Variants in SHANK2 observed in about 807,000 individuals in gnomAD.
SHANK2 encodes the protein SH3 and multiple ankyrin repeat domains protein 2.
A neutral mutation model predicts 133.7 loss-of-function variants in SHANK2; 43 were observed. That is an observed-to-expected ratio of 0.32 (90% confidence interval 0.25 to 0.41). The LOEUF (loss-of-function observed/expected upper bound fraction) is 0.41, where lower values mean the gene tolerates loss of function less well. Ranked by LOEUF, SHANK2 falls within the 10% of genes least tolerant of loss-of-function variation. The pLI, the probability that SHANK2 is intolerant of heterozygous loss-of-function variation, is 1.00. For synonymous variants in SHANK2, 1,017 were observed against 952.8 expected, an observed-to-expected ratio of 1.07 and a Z score of -1.24; for missense variants, 1,994 against 2,235.8, an observed-to-expected ratio of 0.89 and a Z score of 2.18.
At chr11:70,778,263 G>A (rs12283492) in intron 14 of SHANK2, among the ~76,000 whole-genome samples, 17,330 of 152,210 alleles carry the variant, frequency 0.11, 1,197 homozygotes, top group South Asian at 0.28. Flanking sequence ...ATGGGCCAGG[G>A]TACACCCTTG....
At chr11:70,718,698 C>CCCTTTTTTT (rs1565266686) in intron 14 of SHANK2, among the ~76,000 whole-genome samples, 1 of 80,930 alleles carries the variant, frequency 1.2e-5, no homozygotes, top group Non-Finnish European at 2.2e-5. Context: ...AGAGCTCATT[C>CCCTTTTTTT]TCTTTTTTTT....
intron 4 of SHANK2, among the ~76,000 whole-genome samples, chr11:71,113,973 A>G (rs1299590009): frequency 6.6e-6 from 1 of 152,142 alleles, no homozygotes; most frequent in Admixed American, 6.5e-5. Flanking sequence ...ACATTGTCGG[A>G]GTGGGCTTGG....
At position 70,869,359 on chromosome 11, in the gene SHANK2, A is replaced by G. The variant is rs541271816; in HGVS notation, c.1174+27142T>C. On this transcript the variant is annotated intron_variant, in intron 11 of 25. Coordinates refer to ENST00000601538, the MANE Select transcript of SHANK2 (RefSeq NM_012309.5). ...GCAGGTTTCAGAGGGAGGACAATGT[A>G]TCGGTCCACAGGCCACAGAATGCTT... 8.5e-5 allele frequency among the ~76,000 whole-genome samples: 13 copies of G among 152,346 alleles called. No homozygotes were observed. In the South Asian group the frequency reaches 2.5e-3, roughly 29 times the overall value.
intron 17 of SHANK2, among the ~76,000 whole-genome samples, chr11:70,516,478 G>A (rs527707689): frequency 6.6e-6 from 1 of 152,250 alleles, no homozygotes; most frequent in African/African-American, 2.4e-5. Context: ...AGTGGATCAC[G>A]GACTTAAATG....
intron 17 of SHANK2, among the ~76,000 whole-genome samples, chr11:70,521,195 A>G (rs1231815255): frequency 1.3e-5 from 2 of 152,216 alleles, no homozygotes; most frequent in Non-Finnish European, 2.9e-5. Context: ...CTGAAAATCT[A>G]GGTTCCTAAT....
intron 21 of SHANK2, among the ~76,000 whole-genome samples, chr11:70,497,240 T>A (rs1296579046): frequency 2.6e-5 from 4 of 152,196 alleles, no homozygotes; most frequent in African/African-American, 9.7e-5. Context: ...ATCTTGGAGA[T>A]CTTGTTTACC....
At chr11:70,896,356 G>A (rs1246792003) in intron 11 of SHANK2, 145 bp downstream of exon 11, 2 of 576,694 alleles carry the variant, frequency 3.5e-6, no homozygotes, top group Admixed American at 3.2e-5. Flanking sequence ...ACCAGAGACA[G>A]AAAATGGGCT....
intron 9 of SHANK2, among the ~76,000 whole-genome samples, chr11:71,062,181 C>G (rs1950996327): frequency 6.6e-6 from 1 of 152,078 alleles, no homozygotes; most frequent in South Asian, 2.1e-4. Context: ...GTCTCCATCT[C>G]CTGGGCTCAA....
intron 14 of SHANK2, among the ~76,000 whole-genome samples, chr11:70,767,534 C>T (rs959690265): frequency 3.3e-5 from 5 of 152,162 alleles, no homozygotes; most frequent in Admixed American, 3.3e-4. Flanking sequence ...TGAAAAGGAG[C>T]GACGTACCAC....
At chr11:70,598,236 C>T (rs927601138) in intron 17 of SHANK2, among the ~76,000 whole-genome samples, 9 of 152,018 alleles carry the variant, frequency 5.9e-5, no homozygotes, top group African/African-American at 1.4e-4. Flanking sequence ...GACCTCAGGG[C>T]CACACAAGTT....
intron 17 of SHANK2, among the ~76,000 whole-genome samples, chr11:70,527,210 AT>A (rs2059410214): frequency 6.6e-6 from 1 of 152,120 alleles, no homozygotes; most frequent in South Asian, 2.1e-4. Context: ...GCTCCTGAAC[AT>A]TCTGCCTGGG....
In SHANK2 at chr11:70,850,352, G is replaced by A. The variant is rs1590756358; in HGVS notation, c.1175-29670C>T. Among the ~76,000 whole-genome samples, 6 of 152,314 alleles carry A rather than the reference G, an allele frequency of 3.9e-5. No homozygotes were observed. In the South Asian group the frequency reaches 1.2e-3, roughly 32 times the overall value. On this transcript the variant is annotated intron_variant, in intron 11 of 25. Coordinates refer to ENST00000601538, the MANE Select transcript of SHANK2 (RefSeq NM_012309.5). The stretch of plus-strand genomic sequence containing the variant: ...CAGGTGTTATACCTCCTGCCCCCAA[G>A]GCCAGAGAAGCAGTGGTTTTTGATG...
At chr11:70,866,706 A>C (rs1949364277) in intron 11 of SHANK2, among the ~76,000 whole-genome samples, 1 of 152,182 alleles carries the variant, frequency 6.6e-6, no homozygotes, top group East Asian at 1.9e-4. Context: ...GAGACACACA[A>C]GTCAACAAAT....
At chr11:70,782,005 C>A (rs1026422332) in intron 14 of SHANK2, among the ~76,000 whole-genome samples, 1 of 152,000 alleles carries the variant, frequency 6.6e-6, no homozygotes, top group Non-Finnish European at 1.5e-5. Flanking sequence ...AGCAAACTAT[C>A]GCAAGGACAA....
chr11:70,568,299 C>A (rs1427167253), intron 17 of SHANK2, among the ~76,000 whole-genome samples: 1 of 152,176 alleles, frequency 6.6e-6, no homozygotes, highest in Non-Finnish European at 1.5e-5. Context: ...TCTTCGAAAC[C>A]GCCCTGGAAG....
intron 17 of SHANK2, among the ~76,000 whole-genome samples, chr11:70,583,563 AG>A (rs1389379942): frequency 1.3e-5 from 2 of 152,208 alleles, no homozygotes; most frequent in Non-Finnish European, 2.9e-5. Context: ...GTGCCAGGAA[AG>A]CGCAGCTAAA....
At chr11:71,104,757 G>T (rs1465686766) in intron 6 of SHANK2, among the ~76,000 whole-genome samples, 1 of 152,088 alleles carries the variant, frequency 6.6e-6, no homozygotes, top group African/African-American at 2.4e-5. Flanking sequence ...CAGCACTGCT[G>T]GTTTCTCTCC....
At chr11:70,865,247 C>T (rs2135518581) in intron 11 of SHANK2, 1 of 152,226 alleles carries the variant, frequency 6.6e-6, no homozygotes, top group Non-Finnish European at 1.5e-5. Context: ...ACCTGCATCC[C>T]ACCACAGGCT....
chr11:70,540,767 C>A (rs1237265642), intron 17 of SHANK2, among the ~76,000 whole-genome samples: 1 of 140,070 alleles, frequency 7.1e-6, no homozygotes, highest in Admixed American at 7.7e-5. Context: ...CCCAGCCACT[C>A]GGGAGGCTGA....
Sources: gnomAD v4.1 joint callset for allele counts (sites outside exome capture counted in the v4.1 genomes callset) on GRCh38, gnomAD v4.1.1 for gene constraint, MANE v1.5 for transcripts, NCBI Gene and HGNC (gene_info 2026-07-23, HGNC 2026-07-21) for gene names.